Variants in CAMKK1 observed in about 807,000 individuals in gnomAD.
CAMKK1 encodes calcium/calmodulin dependent protein kinase kinase 1, also known as calcium/calmodulin-dependent protein kinase kinase 1.
Under a neutral mutation model 63.5 loss-of-function variants are expected in CAMKK1, and 20 were observed. That is an observed-to-expected ratio of 0.32 (90% CI 0.22 to 0.46). The LOEUF is 0.46. Ranked by LOEUF, CAMKK1 falls within the 20% of genes least tolerant of loss-of-function variation. The pLI is 1.00. For synonymous variants in CAMKK1, 253 were observed against 269.0 expected (o/e 0.94, Z 0.58); for missense variants, 588 against 658.1 (o/e 0.89, Z 1.17).
intron 10 of CAMKK1, among the ~76,000 whole-genome samples, chr17:3,874,746 T>C (rs1469534934): frequency 6.6e-6 from 1 of 151,228 alleles, no homozygotes; most frequent in African/African-American, 2.4e-5. Flanking sequence ...TGACCTCAGG[T>C]GATCCACCTA....
In CAMKK1 at chr17:3,884,637, A is replaced by G. The variant is rs1265375090; in HGVS notation, c.361-210T>C. On this transcript the variant is annotated intron_variant, in intron 2 of 15. Coordinates refer to ENST00000348335, the MANE Select transcript of CAMKK1 (RefSeq NM_032294.3). The surrounding 1 kb of genome is among the most constrained non-coding windows in gnomAD (Gnocchi z 4.5). ...ACGTGGCTCATGTTTGAAAACATGG[A>G]TGGTGACGCCATGGCTGTGCCTTGT... is the stretch of plus-strand genomic sequence containing the variant. 2.6e-5 allele frequency among the ~76,000 whole-genome samples: 4 copies of G among 152,210 alleles called. No individual in the cohort carries two copies. The highest frequency in any genetic ancestry group is 9.7e-5 in the African/African-American group (4 of 41,444).
rs1030197533 is a variant in CAMKK1 at position 3,879,512 on chromosome 17, C to T, written c.796+834G>A. ...GATTCCCAGCCCTCATGCTGTGGCCCGGACAGTGTTTCCAGCATCATCTTT... is the reference window on the plus strand; with the variant it reads ...GATTCCCAGCCCTCATGCTGTGGCCTGGACAGTGTTTCCAGCATCATCTTT... On this transcript the variant is annotated intron_variant, in intron 9 of 15. Coordinates refer to ENST00000348335, the MANE Select transcript of CAMKK1 (RefSeq NM_032294.3). The surrounding 1 kb of genome is among the most constrained non-coding windows in gnomAD (Gnocchi z 4.5). 2.0e-5 allele frequency: 3 copies of T among 152,456 alleles called. No homozygotes were observed. Among genetic ancestry groups the T allele is most frequent in the Admixed American group, 1.3e-4 (2 of 15,276 alleles). 9.4% of individuals were successfully genotyped at this position (152,456 alleles called of 1,614,324 possible). A position where few individuals can be genotyped will look rare whatever the true frequency, so the allele number is the denominator to read the frequency against.
intron 12 of CAMKK1, among the ~76,000 whole-genome samples, chr17:3,871,368 TTTTTGA>T (rs2054858046): frequency 8.1e-6 from 1 of 123,900 alleles, no homozygotes; most frequent in African/African-American, 3.2e-5. Context: ...TTTTTTTTTT[TTTTTGA>T]GACAGAGTCT....
intron 1 of CAMKK1, among the ~76,000 whole-genome samples, chr17:3,888,737 G>A (rs969739442): frequency 4.0e-5 from 6 of 150,170 alleles, no homozygotes; most frequent in Non-Finnish European, 7.4e-5. Flanking sequence ...CCTCCCTCCC[G>A]CCTGGATCAA....
At position 3,890,549 on chromosome 17, in the gene CAMKK1, T is replaced by C. The variant is rs11657386; in HGVS notation, c.-44+2390A>G. On this transcript the variant is annotated intron_variant, in intron 1 of 15. Coordinates refer to ENST00000348335, the MANE Select transcript of CAMKK1 (RefSeq NM_032294.3). This position sits in a 1 kb window ranked among gnomAD's most constrained non-coding sequence, Gnocchi z 6.5. ...TTCAACTCAGCATCTTCCCCAAACC[T>C]GCTCGTCCTCCTCTGTCTCCATTGC... The C allele has an allele frequency of 0.63, 454,946 of 723,598 alleles. 144,222 individuals are homozygous for C. The highest frequency in any genetic ancestry group is 0.83 in the East Asian group (33,268 of 39,966). 44.8% of individuals were successfully genotyped at this position (723,598 alleles called of 1,614,324 possible).
Position 3,869,475 on chromosome 17 carries a change from C to T in CAMKK1, c.1341+12G>A, listed in dbSNP as rs978372429. ...CTCCAGGACAAGGGAGCATCTACCCCGGCTCTCTTACCACCGTGGTCCAGC... is the reference window on the plus strand; with the variant it reads ...CTCCAGGACAAGGGAGCATCTACCCTGGCTCTCTTACCACCGTGGTCCAGC... On this transcript the variant is annotated intron_variant, in intron 14 of 15. Transcript: ENST00000348335. 3.3e-5 allele frequency: 54 copies of T among 1,613,926 alleles called. No individual in the cohort carries two copies. Among genetic ancestry groups the T allele is most frequent in the Non-Finnish European group, 3.7e-5 (44 of 1,179,980 alleles).
rs2143858908 is a variant in CAMKK1 at position 3,879,832 on chromosome 17, C to G, written c.796+514G>C. On this transcript the variant is annotated intron_variant, in intron 9 of 15. Coordinates refer to ENST00000348335, the MANE Select transcript of CAMKK1 (RefSeq NM_032294.3). This position sits in a 1 kb window ranked among gnomAD's most constrained non-coding sequence, Gnocchi z 4.5. ...CTCCCACTAGGCCGTGAACTCGGGT[C>G]TGGGTCTTTCACCCCTATGCCCCCA... The G allele has an allele frequency of 6.4e-6, 1 of 155,670 alleles. No homozygotes were observed. Among genetic ancestry groups the G allele is most frequent in the East Asian group, 1.9e-4 (1 of 5,304 alleles). The allele number at this position is 155,670 out of a possible 1,614,324, so 9.6% of individuals were successfully genotyped here.
chr17:3,876,747 T>A (rs2055177407), intron 9 of CAMKK1, among the ~76,000 whole-genome samples: 1 of 140,108 alleles, frequency 7.1e-6, no homozygotes, highest in Non-Finnish European at 1.5e-5. Context: ...TGTTGCTGTT[T>A]TTTTTTTTGG....
At position 3,883,464 on chromosome 17, in the gene CAMKK1, G is replaced by C; in HGVS notation, c.479C>G (p.Ser160Cys). 6.2e-7 allele frequency: 1 copy of C among 1,613,754 alleles called. No individual in the cohort carries two copies. Among genetic ancestry groups the C allele is most frequent in the East Asian group, 2.2e-5 (1 of 44,876 alleles). The change falls in exon 5 of 16, where the codon TCC becomes TGC. Residue 160 changes from serine to cysteine, a missense_variant. By Grantham distance (112) the Ser-to-Cys change is moderately radical. Transcript: ENST00000348335. This position sits in a 1 kb window ranked among gnomAD's most constrained non-coding sequence, Gnocchi z 4.7. ...EDRHYAMKVL[S>C]KKKLLKQYGF... ...ATACTGCTTCAGTAACTTCTTTTTG[G>C]AAAGGACTTTCATTGCCTAAGGAAG...
At chr17:3,881,888 CT>C in intron 7 of CAMKK1, 1 of 556,094 alleles carries the variant, frequency 1.8e-6, no homozygotes. Context: ...GCATGGGGCC[CT>C]TTTACAGAGG....
At chr17:3,872,515 G>A (rs765153323) in intron 12 of CAMKK1, 39 bp downstream of exon 12, 53 of 1,541,884 alleles carry the variant, frequency 3.4e-5, no homozygotes, top group Admixed American at 3.2e-4. Context: ...CACCAGGAGC[G>A]GGTGGTAGCC....
At chr17:3,880,652 G>T (rs2055369498) in intron 8 of CAMKK1, among the ~76,000 whole-genome samples, 1 of 152,034 alleles carries the variant, frequency 6.6e-6, no homozygotes, top group African/African-American at 2.4e-5. Context: ...TTTCTGATTG[G>T]CTTGATATTC....
At position 3,861,148 on chromosome 17, in the gene CAMKK1, C is replaced by G. The variant is rs1390951018; in HGVS notation, c.*1063G>C. ...GTGAGGCAATTGCCGCAGAGGCCACCTGCCAGCGTGCACACCCCTCCAGGT... is the reference window on the plus strand; with the variant it reads ...GTGAGGCAATTGCCGCAGAGGCCACGTGCCAGCGTGCACACCCCTCCAGGT... On this transcript the variant is annotated 3_prime_UTR_variant, in exon 16 of 16. Transcript: ENST00000348335. 3 of 152,406 alleles carry G rather than the reference C, an allele frequency of 2.0e-5. No individual in the cohort carries two copies. The highest frequency in any genetic ancestry group is 4.4e-5 in the Non-Finnish European group (3 of 68,168). 9.4% of individuals were successfully genotyped at this position (152,406 alleles called of 1,614,324 possible).
chr17:3,889,757 C>T lies in CAMKK1; in HGVS notation c.-44+3182G>A, dbSNP rs867583898. 1.3e-5 allele frequency among the ~76,000 whole-genome samples: 2 copies of T among 152,212 alleles called. No homozygotes were observed. The highest frequency in any genetic ancestry group is 6.5e-5 in the Admixed American group (1 of 15,286). ...TCCTCCCAGGCTGTGCCCCACCCCC[C>T]AAGCGTCTGGCCACTCCCAAGGAAT... On this transcript the variant is annotated intron_variant, in intron 1 of 15. Transcript: ENST00000348335. The surrounding 1 kb of genome is among the most constrained non-coding windows in gnomAD (Gnocchi z 5.2).
At chr17:3,886,779 G>C (rs9914137) in intron 1 of CAMKK1, among the ~76,000 whole-genome samples, 4 of 151,872 alleles carry the variant, frequency 2.6e-5, no homozygotes, top group Admixed American at 6.6e-5. Flanking sequence ...CATGACCCTG[G>C]GCTACATCCT....
At chr17:3,867,602 A>C (rs893597531) in intron 14 of CAMKK1, among the ~76,000 whole-genome samples, 7 of 152,118 alleles carry the variant, frequency 4.6e-5, no homozygotes, top group African/African-American at 1.4e-4. Context: ...AGATCAGGCA[A>C]GTGGTCATGG....
rs963810641 is a variant in CAMKK1 at position 3,860,461 on chromosome 17, C to T, written c.*1750G>A. On this transcript the variant is annotated 3_prime_UTR_variant, in exon 16 of 16. Transcript: ENST00000348335. ...CGATGCCAACCAAAACCCTCAGTGA[C>T]AGGGTGAGCATCCCACCTGGGCCTA... 3.3e-5 allele frequency: 5 copies of T among 152,772 alleles called. No homozygotes were observed. Among genetic ancestry groups the T allele is most frequent in the African/African-American group, 1.2e-4 (5 of 41,556 alleles). The allele number at this position is 152,772 out of a possible 1,614,324, so 9.5% of individuals were successfully genotyped here. A position where few individuals can be genotyped will look rare whatever the true frequency, so the allele number is the denominator to read the frequency against.
At chr17:3,876,168 C>A in intron 10 of CAMKK1, 55 bp downstream of exon 10, 2 of 1,536,902 alleles carry the variant, frequency 1.3e-6, no homozygotes, top group Non-Finnish European at 1.8e-6. Context: ...GCCACTGCGG[C>A]AAGCTATTAC....
Position 3,890,645 on chromosome 17 carries a change from C to G in CAMKK1, c.-44+2294G>C, listed in dbSNP as rs376103556. The G allele has an allele frequency of 3.8e-6, 3 of 779,708 alleles. No homozygotes were observed. The highest frequency in any genetic ancestry group is 2.4e-5 in the East Asian group (1 of 41,258). The allele number at this position is 779,708 out of a possible 1,614,324, so 48.3% of individuals were successfully genotyped here. On this transcript the variant is annotated intron_variant, in intron 1 of 15. Coordinates refer to ENST00000348335, the MANE Select transcript of CAMKK1 (RefSeq NM_032294.3). The surrounding 1 kb of genome is among the most constrained non-coding windows in gnomAD (Gnocchi z 6.5). ...CAATCCGGGAGCCCTCCTTGTCACTCGTCCTTTCCCTGTTGCCCACCCTTG... is the reference window on the plus strand; with the variant it reads ...CAATCCGGGAGCCCTCCTTGTCACTGGTCCTTTCCCTGTTGCCCACCCTTG...
Sources: gnomAD v4.1 joint callset for allele counts (sites outside exome capture counted in the v4.1 genomes callset) on GRCh38, gnomAD v4.1.1 for gene constraint, Gnocchi (gnomAD v3.1) non-coding constraint, MANE v1.5 for transcripts, NCBI Gene and HGNC (gene_info 2026-07-23, HGNC 2026-07-21) for gene names.